NCOR1: variants seen among roughly 807,000 people sequenced by gnomAD.
NCOR1 encodes the protein protein phosphatase 1, regulatory subunit 109.
In NCOR1, 63 loss-of-function variants were observed where a neutral mutation model predicts 288.1. That is an observed-to-expected ratio of 0.22 (90% CI 0.18 to 0.27). The LOEUF is 0.27. Among genes scored for constraint, NCOR1 ranks in the 10% least tolerant of loss-of-function variants. The pLI is 1.00. For missense variants in NCOR1, 2,397 were observed against 3,019.2 expected (o/e 0.79, Z 4.83); for synonymous variants, 1,007 against 1,065.9 (o/e 0.94, Z 1.08).
intron 18 of NCOR1, among the ~76,000 whole-genome samples, chr17:16,117,514 G>GAAAA (rs34706253): frequency 4.8e-5 from 5 of 103,748 alleles, no homozygotes; most frequent in African/African-American, 1.5e-4. Context: ...CTGGAGCTCA[G>GAAAA]AAAAAAAAAA....
rs2065385359 is a variant in NCOR1, at chr17:16,092,650, TATATATATA to T, written c.2821-601_2821-593del. 7.4e-3 allele frequency among the ~76,000 whole-genome samples: 98 copies of T among 13,176 alleles called. 3 individuals carry two copies. Among genetic ancestry groups the T allele is most frequent in the African/African-American group, 0.023 (92 of 4,086 alleles). 8.6% of individuals were successfully genotyped at this position (13,176 alleles called of 152,430 possible). ...TTTCACCAGGGATCAGATCCATTTA[TATATATATA>T]TATATATATATATATATATATATAT... On this transcript the variant is annotated intron_variant, in intron 21 of 45. Transcript: ENST00000268712.
chr17:16,191,827 C>T (rs1280541430), intron 2 of NCOR1: 1 of 152,062 alleles, frequency 6.6e-6, no homozygotes, highest in African/African-American at 2.4e-5. Context: ...TCAAAAAGCA[C>T]AACAGCCAGG....
At chr17:16,092,293 C>T (rs2065296187) in intron 21 of NCOR1, among the ~76,000 whole-genome samples, 1 of 152,016 alleles carries the variant, frequency 6.6e-6, no homozygotes, top group African/African-American at 2.4e-5. Context: ...AGTTCAAGAC[C>T]AGCCTGGCTG....
At chr17:16,074,703 C>T (rs115441505) in intron 27 of NCOR1, among the ~76,000 whole-genome samples, 2,730 of 152,188 alleles carry the variant, frequency 0.018, 86 homozygotes, top group African/African-American at 0.062. Context: ...TCACTCAAAA[C>T]TTTGGCTAAT....
intron 21 of NCOR1, 131 bp downstream of exon 21, chr17:16,098,236 G>A (rs1053873436): frequency 1.9e-5 from 17 of 878,742 alleles, no homozygotes; most frequent in African/African-American, 3.4e-5. Context: ...AATTGGTTAC[G>A]ATTATTAATT....
At position 16,031,107 on chromosome 17, in the gene NCOR1, A is replaced by AATTC. The variant is rs1269021222; in HGVS notation, c.*1185_*1188dup. The AATTC allele has an allele frequency of 1.0e-5, 2 of 192,512 alleles. No homozygotes were observed. The highest frequency in any genetic ancestry group is 1.7e-4 in the East Asian group (2 of 12,086). 11.9% of individuals were successfully genotyped at this position (192,512 alleles called of 1,614,324 possible). A position where few individuals can be genotyped will look rare whatever the true frequency, so the allele number is the denominator to read the frequency against. On this transcript the variant is annotated 3_prime_UTR_variant, in exon 46 of 46. Coordinates refer to ENST00000268712, the MANE Select transcript of NCOR1 (RefSeq NM_006311.4). ...CCCTCTAGTACCATAATTAGTTTAG[A>AATTC]ATTCAGTCTTTTAAATTATTTGCAC...
chr17:16,146,209 T>G (rs1020130313), intron 10 of NCOR1, among the ~76,000 whole-genome samples, 167 bp downstream of exon 10: 11 of 152,112 alleles, frequency 7.2e-5, no homozygotes, highest in Admixed American at 6.5e-4. Flanking sequence ...TTTGTTCACA[T>G]GTTTATCTGC....
rs760312214 is a variant in NCOR1 at position 16,049,027 on chromosome 17, G to A, written c.6393-39C>T. 4 of 1,540,048 alleles carry A rather than the reference G, an allele frequency of 2.6e-6. No individual in the cohort carries two copies. The South Asian group carries it at 4.9e-5, about 19-fold the overall frequency. On this transcript the variant is annotated intron_variant, in intron 40 of 45. Transcript: ENST00000268712. ...TGAAATATTAGATTGTGTTTCAAAG[G>A]CTAACCTGGGACTTACCTAAACAGA...
intron 2 of NCOR1, among the ~76,000 whole-genome samples, 163 bp downstream of exon 2, chr17:16,194,298 AT>A (rs1309072312): frequency 1.3e-5 from 2 of 150,374 alleles, no homozygotes; most frequent in Non-Finnish European, 3.0e-5. Flanking sequence ...TAAGACAGAA[AT>A]AATTAATTCC....
Position 16,075,608 on chromosome 17 carries a change from T to A in NCOR1, c.3596A>T (p.Lys1199Ile). The part of the protein sequence containing the change: ...RMPIEDSSPE[K>I]GREEAASKGH... ...TTTGGATGCAGCTTCCTCTCTGCCT[T>A]TCTCAGGACTGCTGTCTTCAATGGG... The change falls in exon 27 of 46, where the codon AAA (lysine) becomes ATA (isoleucine). Residue 1199 changes from lysine to isoleucine, a missense_variant. Physicochemically the swap from Lys to Ile is moderately radical, Grantham distance 102 (BLOSUM62 -3). Coordinates refer to ENST00000268712, the MANE Select transcript of NCOR1 (RefSeq NM_006311.4). The A allele has an allele frequency of 6.2e-7, 1 of 1,614,226 alleles. No individual in the cohort carries two copies. The highest frequency in any genetic ancestry group is 1.1e-5 in the South Asian group (1 of 91,086).
At position 16,061,765 on chromosome 17, in the gene NCOR1, T is replaced by C. The variant is rs769694679; in HGVS notation, c.5517A>G (p.Thr1839=). The C allele has an allele frequency of 1.2e-6, 2 of 1,614,254 alleles. No individual in the cohort carries two copies. The highest frequency in any genetic ancestry group is 1.1e-5 in the South Asian group (1 of 91,086). The change falls in exon 37 of 46, where the codon ACA becomes ACG. Residue 1839 remains threonine (T), a synonymous_variant. Coordinates refer to ENST00000268712, the MANE Select transcript of NCOR1 (RefSeq NM_006311.4). ...TGGCAGCTTCATGCTTACTCTCTTT[T>C]GTTTTGGACACATCCATCTGGGGTG... ...ASAPQMDVSK[T]KESKHEAARL...
At chr17:16,188,380 A>G (rs178818) in intron 2 of NCOR1, among the ~76,000 whole-genome samples, 86,089 of 151,632 alleles carry the variant, frequency 0.57, 24,989 homozygotes, top group African/African-American at 0.66. Context: ...GGGAGGCCAA[A>G]GCGGGCAGAT....
intron 27 of NCOR1, among the ~76,000 whole-genome samples, chr17:16,074,994 A>C (rs2062244014): frequency 6.6e-6 from 1 of 152,038 alleles, no homozygotes. Context: ...CAGCCTCCCG[A>C]GTAGCTGGGA....
intron 21 of NCOR1, among the ~76,000 whole-genome samples, chr17:16,094,274 C>T (rs1711747458): frequency 6.6e-6 from 1 of 152,058 alleles, no homozygotes; most frequent in Non-Finnish European, 1.5e-5. Context: ...TAAATACTCT[C>T]CACAATATTA....
intron 3 of NCOR1, among the ~76,000 whole-genome samples, chr17:16,178,504 A>G: frequency 6.7e-6 from 1 of 149,704 alleles, no homozygotes. Flanking sequence ...GTCTCAAAAA[A>G]AAAAAAAAAA....
Position 16,031,583 on chromosome 17 carries a change from T to G in NCOR1, c.*713A>C. On this transcript the variant is annotated 3_prime_UTR_variant, in exon 46 of 46. Coordinates refer to ENST00000268712, the MANE Select transcript of NCOR1 (RefSeq NM_006311.4). Reference sequence around the variant, plus strand: ...ACTAGAACATACCCATGCAGTAATATTTTTTCAGTGCTACTAATGAAAAAA... The same window carrying G: ...ACTAGAACATACCCATGCAGTAATAGTTTTTCAGTGCTACTAATGAAAAAA... The G allele has an allele frequency of 4.5e-6, 1 of 221,984 alleles. No homozygotes were observed. The highest frequency in any genetic ancestry group is 9.0e-6 in the Non-Finnish European group (1 of 111,060). 13.8% of individuals were successfully genotyped at this position (221,984 alleles called of 1,614,324 possible).
chr17:16,113,275 A>C (rs926978525), intron 18 of NCOR1, among the ~76,000 whole-genome samples: 1 of 152,092 alleles, frequency 6.6e-6, no homozygotes, highest in Non-Finnish European at 1.5e-5. Context: ...TGACTTACTA[A>C]AACAGTGGCA....
In NCOR1 at chr17:16,215,387, G is replaced by C. The variant is rs1324998007; in HGVS notation, c.-96C>G. The C allele has an allele frequency of 2.5e-6, 1 of 395,216 alleles. No individual in the cohort carries two copies. The highest frequency in any genetic ancestry group is 2.1e-5 in the African/African-American group (1 of 48,454). 24.5% of individuals were successfully genotyped at this position (395,216 alleles called of 1,614,324 possible). On this transcript the variant is annotated 5_prime_UTR_variant, in exon 1 of 46. Transcript: ENST00000268712. ...CGGGAGCTGGCTAAGCGTGGGAGCC[G>C]ACGTGCGCCCCGGCCTGAGGAGTGG...
At chr17:16,167,103 A>G (rs1254291330) in intron 4 of NCOR1, among the ~76,000 whole-genome samples, 1 of 152,218 alleles carries the variant, frequency 6.6e-6, no homozygotes, top group African/African-American at 2.4e-5. Context: ...TATAATAGCA[A>G]AAGAGATTAT....
Sources: gnomAD v4.1 joint callset for allele counts (sites outside exome capture counted in the v4.1 genomes callset) on GRCh38, gnomAD v4.1.1 for gene constraint, MANE v1.5 for transcripts, NCBI Gene and HGNC (gene_info 2026-07-23, HGNC 2026-07-21) for gene names.